Variants in PDZRN4 observed in about 807,000 individuals in gnomAD.
PDZRN4 encodes PDZ domain-containing RING finger protein 4.
In PDZRN4, 70 loss-of-function variants were observed where a neutral mutation model predicts 99.0. That is an observed-to-expected ratio of 0.71 (90% CI 0.58 to 0.86). The LOEUF is 0.86. Ranked by LOEUF, PDZRN4 falls within the 40% of genes least tolerant of loss-of-function variation. PDZRN4 has a pLI of 0.00. For missense variants in PDZRN4, 1,474 were observed against 1,331.2 expected (o/e 1.11, Z -1.67); for synonymous variants, 551 against 501.6 (o/e 1.10, Z -1.32).
chr12:41,409,291 T>C (rs1952374849), intron 3 of PDZRN4, among the ~76,000 whole-genome samples: 1 of 152,082 alleles, frequency 6.6e-6, no homozygotes, highest in Admixed American at 6.6e-5. Flanking sequence ...ACTTGGGACA[T>C]ATAGTTATTG....
At chr12:41,291,770 T>C (rs2120909384) in intron 3 of PDZRN4, among the ~76,000 whole-genome samples, 1 of 152,232 alleles carries the variant, frequency 6.6e-6, no homozygotes, top group Admixed American at 6.5e-5. Flanking sequence ...GGAAACACCA[T>C]GAGGAGGATC....
intron 3 of PDZRN4, among the ~76,000 whole-genome samples, chr12:41,419,829 G>T (rs916775328): frequency 6.6e-6 from 1 of 152,086 alleles, no homozygotes; most frequent in Non-Finnish European, 1.5e-5. Context: ...ACGCCTTATT[G>T]GTAATATTTG....
intron 3 of PDZRN4, among the ~76,000 whole-genome samples, chr12:41,372,489 G>A (rs1235511051): frequency 1.3e-5 from 2 of 152,136 alleles, no homozygotes; most frequent in Non-Finnish European, 2.9e-5. Context: ...GTTATTAAAG[G>A]AATTTAAGTA....
At chr12:41,235,984 T>A (rs948968792) in intron 3 of PDZRN4, among the ~76,000 whole-genome samples, 2 of 152,166 alleles carry the variant, frequency 1.3e-5, no homozygotes, top group African/African-American at 4.8e-5. Context: ...AACTTAGCCA[T>A]TTCAGGAATC....
At chr12:41,337,432 C>G (rs538710063) in intron 3 of PDZRN4, among the ~76,000 whole-genome samples, 16 of 152,140 alleles carry the variant, frequency 1.1e-4, no homozygotes, top group African/African-American at 3.6e-4. Flanking sequence ...AGAGTACCAC[C>G]AAAAATGGGG....
chr12:41,250,424 GAAATT>G (rs911482903), intron 3 of PDZRN4, among the ~76,000 whole-genome samples: 47 of 152,192 alleles, frequency 3.1e-4, no homozygotes, highest in African/African-American at 1.1e-3. Flanking sequence ...GTAGAAAAAT[GAAATT>G]AAAAGACAAA....
At chr12:41,487,542 A>G (rs1937800051) in intron 3 of PDZRN4, among the ~76,000 whole-genome samples, 1 of 152,220 alleles carries the variant, frequency 6.6e-6, no homozygotes, top group Non-Finnish European at 1.5e-5. Context: ...ATGTGTATTA[A>G]AAAGTGTTCA....
chr12:41,268,115 CA>C (rs1023198841), intron 3 of PDZRN4, among the ~76,000 whole-genome samples: 7 of 146,330 alleles, frequency 4.8e-5, no homozygotes, highest in African/African-American at 1.9e-4. Context: ...ACAAAAGAGG[CA>C]TTTTTTTTAT....
intron 3 of PDZRN4, among the ~76,000 whole-genome samples, chr12:41,382,695 G>A (rs539741580): frequency 1.3e-5 from 2 of 152,214 alleles, no homozygotes; most frequent in African/African-American, 4.8e-5. Flanking sequence ...TGGAAGGCTG[G>A]GTAAAGACAT....
At chr12:41,354,461 T>A (rs1043634321) in intron 3 of PDZRN4, among the ~76,000 whole-genome samples, 1 of 151,990 alleles carries the variant, frequency 6.6e-6, no homozygotes, top group African/African-American at 2.4e-5. Flanking sequence ...TATGAATTTT[T>A]ACCTATGAGT....
At chr12:41,552,500 T>G (rs548697630) in intron 5 of PDZRN4, among the ~76,000 whole-genome samples, 156 bp from the exon 6 acceptor site, 7 of 137,868 alleles carry the variant, frequency 5.1e-5, no homozygotes, top group African/African-American at 1.8e-4. Flanking sequence ...AAAGAACATT[T>G]GAATAATATT....
At position 41,230,763 on chromosome 12, in the gene PDZRN4, A is replaced by C. The variant is rs565263539; in HGVS notation, c.843+36575A>C. 2.6e-5 allele frequency among the ~76,000 whole-genome samples: 4 copies of C among 152,182 alleles called. No homozygotes were observed. In the East Asian group the frequency reaches 7.8e-4, roughly 30 times the overall value. On this transcript the variant is annotated intron_variant, in intron 3 of 9. Transcript: ENST00000402685. ...TAGGCAGTGTTTCAATTATTTTAGA[A>C]ATTTTCAGAAAAAAATAGATTTTTG...
intron 7 of PDZRN4, among the ~76,000 whole-genome samples, chr12:41,563,121 T>C (rs1173929005): frequency 6.6e-6 from 1 of 152,180 alleles, no homozygotes; most frequent in Non-Finnish European, 1.5e-5. Flanking sequence ...GAGATAATAC[T>C]GCAGCTCTCT....
chr12:41,507,768 G>A (rs902847380), intron 4 of PDZRN4, among the ~76,000 whole-genome samples: 6 of 152,082 alleles, frequency 3.9e-5, no homozygotes, highest in Admixed American at 1.3e-4. Context: ...AGGAAGGCAG[G>A]GGATCTGTTT....
chr12:41,498,691 G>A (rs923713612), intron 3 of PDZRN4, among the ~76,000 whole-genome samples: 1 of 152,030 alleles, frequency 6.6e-6, no homozygotes, highest in Non-Finnish European at 1.5e-5. Context: ...AACTTTGAGG[G>A]ACACATTCAA....
intron 3 of PDZRN4, among the ~76,000 whole-genome samples, chr12:41,258,590 T>G (rs527608137): frequency 6.4e-4 from 98 of 152,314 alleles, no homozygotes; most frequent in Middle Eastern, 3.4e-3. Flanking sequence ...ATACAAAGAC[T>G]ACTCTCTTAA....
At chr12:41,364,912 T>C (rs1040151275) in intron 3 of PDZRN4, among the ~76,000 whole-genome samples, 2 of 152,064 alleles carry the variant, frequency 1.3e-5, no homozygotes, top group African/African-American at 2.4e-5. Flanking sequence ...GAGATGCCAG[T>C]GGGGAGAAAA....
At chr12:41,245,985 T>A (rs1177072100) in intron 3 of PDZRN4, among the ~76,000 whole-genome samples, 1 of 152,210 alleles carries the variant, frequency 6.6e-6, no homozygotes, top group Non-Finnish European at 1.5e-5. Flanking sequence ...TGGAGGCATA[T>A]GGAATTATTC....
intron 3 of PDZRN4, among the ~76,000 whole-genome samples, chr12:41,429,585 T>A (rs1295019390): frequency 1.3e-5 from 2 of 152,100 alleles, no homozygotes; most frequent in Non-Finnish European, 2.9e-5. Context: ...TGACAGGCAA[T>A]GGAAAGTACT....
Sources: gnomAD v4.1 joint callset for allele counts (sites outside exome capture counted in the v4.1 genomes callset) on GRCh38, gnomAD v4.1.1 for gene constraint, MANE v1.5 for transcripts, NCBI Gene and HGNC (gene_info 2026-07-23, HGNC 2026-07-21) for gene names.